The following PIGU variants were observed in gnomAD, a reference collection of about 807,000 sequenced individuals.
PIGU encodes phosphatidylinositol glycan anchor biosynthesis class U, also known as GPI-anchor transamidase component PIGU.
PIGU carries 24 observed loss-of-function variants against 49.9 expected under a neutral mutation model. The ratio of observed to expected loss-of-function variants is 0.48; its 90% CI spans 0.35 to 0.68. PIGU has a LOEUF of 0.68. Ranked by LOEUF, PIGU falls within the 30% of genes least tolerant of loss-of-function variation. PIGU has a pLI of 0.01. For synonymous variants in PIGU, 220 were observed against 205.7 expected (o/e 1.07, Z -0.59); for missense variants, 490 against 532.6 (o/e 0.92, Z 0.79).
At position 34,659,078 on chromosome 20, in the gene PIGU, G is replaced by C. The variant is rs528791714; in HGVS notation, c.131-1834C>G. 6.3e-5 allele frequency among the ~76,000 whole-genome samples: 9 copies of C among 142,986 alleles called. No homozygotes were observed. In the East Asian group the frequency reaches 2.0e-3, roughly 32 times the overall value. The allele number at this position is 142,986 out of a possible 152,430, so 93.8% of individuals were successfully genotyped here. A position where few individuals can be genotyped will look rare whatever the true frequency, so the allele number is the denominator to read the frequency against. On this transcript the variant is annotated intron_variant, in intron 1 of 11. Coordinates refer to ENST00000217446, the MANE Select transcript of PIGU (RefSeq NM_080476.5). ...GCTGCCCCGTCCGGGAGGGAGGTGG[G>C]GGGGTCAGCCCCCCACCCGGCCAGC...
At chr20:34,613,969 T>G (rs1376152991) in intron 7 of PIGU, among the ~76,000 whole-genome samples, 1 of 152,128 alleles carries the variant, frequency 6.6e-6, no homozygotes, top group Non-Finnish European at 1.5e-5. Context: ...TCACCTTGGG[T>G]CCAGTGATTT....
chr20:34,625,937 TA>T lies in PIGU; in HGVS notation c.529+8677del, dbSNP rs541586109. 1.0e-3 allele frequency among the ~76,000 whole-genome samples: 140 copies of T among 136,726 alleles called. No individual in the cohort carries two copies. In the South Asian group the frequency reaches 0.016, roughly 15 times the overall value. 89.7% of individuals were successfully genotyped at this position (136,726 alleles called of 152,430 possible). A position where few individuals can be genotyped will look rare whatever the true frequency, so the allele number is the denominator to read the frequency against. ...CTGTCTCCAAAAAACAAAATTAGAT[TA>T]AAAAAAATACATATATATAATATAT... On this transcript the variant is annotated intron_variant, in intron 6 of 11. Transcript: ENST00000217446.
chr20:34,566,779 C>A (rs935439612), intron 11 of PIGU, among the ~76,000 whole-genome samples: 3 of 152,094 alleles, frequency 2.0e-5, no homozygotes, highest in African/African-American at 7.2e-5. Context: ...TCTTCCACAA[C>A]CCCCTAGGGT....
intron 7 of PIGU, among the ~76,000 whole-genome samples, chr20:34,600,156 C>T (rs1164923291): frequency 6.6e-6 from 1 of 152,120 alleles, no homozygotes; most frequent in Admixed American, 6.5e-5. Context: ...CCTGTAATTC[C>T]AGCACTTTGG....
intron 1 of PIGU, among the ~76,000 whole-genome samples, chr20:34,673,214 A>ACT (rs1417891961): frequency 7.0e-6 from 1 of 143,112 alleles, no homozygotes; most frequent in Non-Finnish European, 1.5e-5. Context: ...AGATTGCACC[A>ACT]CTGCACTCCA....
chr20:34,634,515 G>A (rs1985894898), intron 6 of PIGU, 100 bp downstream of exon 6: 3 of 1,400,644 alleles, frequency 2.1e-6, no homozygotes, highest in Non-Finnish European at 2.8e-6. Context: ...GTTTTTAAGT[G>A]TTGCATTAAA....
At chr20:34,613,854 T>C (rs1482540198) in intron 7 of PIGU, among the ~76,000 whole-genome samples, 1 of 152,158 alleles carries the variant, frequency 6.6e-6, no homozygotes, top group Non-Finnish European at 1.5e-5. Flanking sequence ...GATGAGGAGG[T>C]AAGTGGTCCA....
At chr20:34,659,237 G>A (rs1373362832) in intron 1 of PIGU, among the ~76,000 whole-genome samples, 17 of 91,364 alleles carry the variant, frequency 1.9e-4, no homozygotes, top group East Asian at 3.4e-4. Flanking sequence ...CAGCCGCCCC[G>A]TCCGGGAGGG....
Position 34,654,689 on chromosome 20 carries a change from G to T in PIGU, c.195+2491C>A, listed in dbSNP as rs1486325554. Among the ~76,000 whole-genome samples the T allele has an allele frequency of 1.7e-5, 2 of 120,232 alleles. 1 individual carries two copies. Among genetic ancestry groups the T allele is most frequent in the Admixed American group, 2.2e-4 (2 of 9,082 alleles). The allele number at this position is 120,232 out of a possible 152,430, so 78.9% of individuals were successfully genotyped here. A position where few individuals can be genotyped will look rare whatever the true frequency, so the allele number is the denominator to read the frequency against. ...CAAACAAAAAAAAACTGTTCTCAAA[G>T]TACATATGAGAGAGATAACTATAAA... On this transcript the variant is annotated intron_variant, in intron 2 of 11. Transcript: ENST00000217446.
At chr20:34,566,223 T>C (rs1016535266) in intron 11 of PIGU, among the ~76,000 whole-genome samples, 2 of 152,218 alleles carry the variant, frequency 1.3e-5, no homozygotes, top group Non-Finnish European at 2.9e-5. Context: ...TAACCCTGCA[T>C]TGTTACATGG....
intron 4 of PIGU, 77 bp downstream of exon 4, chr20:34,644,087 G>C: frequency 1.5e-6 from 2 of 1,320,032 alleles, no homozygotes; most frequent in East Asian, 2.3e-5. Context: ...GGATCCTTAA[G>C]TATAAGATCT....
intron 11 of PIGU, among the ~76,000 whole-genome samples, chr20:34,564,487 C>T (rs1982662068): frequency 6.6e-6 from 1 of 152,236 alleles, no homozygotes; most frequent in Admixed American, 6.5e-5. Context: ...CAGAGCAAAA[C>T]TCCAGCTCTT....
intron 7 of PIGU, among the ~76,000 whole-genome samples, chr20:34,590,461 G>A (rs139788740): frequency 0.014 from 2,092 of 152,144 alleles, 53 homozygotes; most frequent in African/African-American, 0.048. Flanking sequence ...GGAGACTAAG[G>A]CATGAGAATC....
chr20:34,625,892 C>A (rs1231867032), intron 6 of PIGU, among the ~76,000 whole-genome samples: 2 of 149,514 alleles, frequency 1.3e-5, no homozygotes, highest in Non-Finnish European at 3.0e-5. Context: ...CCTGAGTGGC[C>A]TGGGTGACAG....
intron 10 of PIGU, among the ~76,000 whole-genome samples, chr20:34,580,302 CAG>C (rs553673383): frequency 6.6e-6 from 1 of 152,238 alleles, no homozygotes; most frequent in Non-Finnish European, 1.5e-5. Context: ...CTTGTCTGTG[CAG>C]AGAGGATGTC....
Position 34,657,999 on chromosome 20 carries a change from G to A in PIGU, c.131-755C>T, listed in dbSNP as rs8115850. Among the ~76,000 whole-genome samples, 1,337 of 151,170 alleles carry A rather than the reference G, an allele frequency of 8.8e-3. 7 individuals carry two copies. The highest frequency in any genetic ancestry group is 0.014 in the Admixed American group (219 of 15,194). On this transcript the variant is annotated intron_variant, in intron 1 of 11. Coordinates refer to ENST00000217446, the MANE Select transcript of PIGU (RefSeq NM_080476.5). Reference sequence around the variant, plus strand: ...GGTCTCCCTCTCCCTCTCTTTCCACGGTCTCCCTCTCCCTCTCTTTCCACG... The same window carrying A: ...GGTCTCCCTCTCCCTCTCTTTCCACAGTCTCCCTCTCCCTCTCTTTCCACG...
At chr20:34,561,084 T>C (rs2146685106) in intron 11 of PIGU, 105 bp from the exon 12 acceptor site, 1 of 754,932 alleles carries the variant, frequency 1.3e-6, no homozygotes, top group Non-Finnish European at 2.2e-6. Flanking sequence ...CGCCCCTGCC[T>C]GGCTCTGGAT....
At chr20:34,567,916 C>G (rs1982842760) in intron 11 of PIGU, among the ~76,000 whole-genome samples, 1 of 152,064 alleles carries the variant, frequency 6.6e-6, no homozygotes, top group Admixed American at 6.6e-5. Context: ...CACTTAGAGG[C>G]CACCTTCCCC....
At chr20:34,583,091 T>A (rs961735508) in intron 9 of PIGU, among the ~76,000 whole-genome samples, 1 of 152,236 alleles carries the variant, frequency 6.6e-6, no homozygotes, top group African/African-American at 2.4e-5. Context: ...TGGGTATGAA[T>A]CTGAGATGTG....
Sources: gnomAD v4.1 joint callset for allele counts (sites outside exome capture counted in the v4.1 genomes callset) on GRCh38, gnomAD v4.1.1 for gene constraint, MANE v1.5 for transcripts, NCBI Gene and HGNC (gene_info 2026-07-23, HGNC 2026-07-21) for gene names.